ANKFN1: variants seen among roughly 807,000 people sequenced by gnomAD.
The protein encoded by ANKFN1 is ankyrin repeat and fibronectin type III domain containing 1.
In ANKFN1, 74 loss-of-function variants were observed where a neutral mutation model predicts 108.7. That is an observed-to-expected ratio of 0.68 (90% CI 0.56 to 0.83). The LOEUF (loss-of-function observed/expected upper bound fraction) is 0.83, where lower values mean the gene tolerates loss of function less well. Among genes scored for constraint, ANKFN1 ranks in the 40% least tolerant of loss-of-function variants. The pLI, the probability that ANKFN1 is intolerant of heterozygous loss-of-function variation, is 0.00. For synonymous variants in ANKFN1, 547 were observed against 516.2 expected, an observed-to-expected ratio of 1.06 and a Z score of -0.81; for missense variants, 1,505 against 1,382.3, an observed-to-expected ratio of 1.09 and a Z score of -1.41.
chr17:56,160,223 G>T lies in ANKFN1; in HGVS notation c.-71+6693G>T, dbSNP rs80197253. Reference sequence around the variant, plus strand: ...TCCAAGTTTCTGGCAAGCTCTTTAAGAGGATGATTGATGGTAAACTTTCAG... The same window carrying T: ...TCCAAGTTTCTGGCAAGCTCTTTAATAGGATGATTGATGGTAAACTTTCAG... On this transcript the variant is annotated intron_variant, in intron 1 of 20. Coordinates refer to ENST00000682825, the MANE Select transcript of ANKFN1 (RefSeq NM_001370326.1). Among the ~76,000 whole-genome samples the T allele has an allele frequency of 3.3e-3, 510 of 152,284 alleles. 4 individuals carry two copies. The highest frequency in any genetic ancestry group is 0.012 in the African/African-American group (490 of 41,550).
chr17:56,484,169 G>A (rs1374780235), intron 18 of ANKFN1, among the ~76,000 whole-genome samples: 3 of 152,136 alleles, frequency 2.0e-5, no homozygotes, highest in Non-Finnish European at 2.9e-5. Context: ...AGAACAAGTG[G>A]TCCAGTTTGG....
intron 8 of ANKFN1, among the ~76,000 whole-genome samples, chr17:56,431,561 C>T (rs2048758241): frequency 1.3e-5 from 2 of 152,234 alleles, no homozygotes; most frequent in Middle Eastern, 3.4e-3. Flanking sequence ...ATCTGAGCCC[C>T]GATTCTGTAC....
At position 56,297,666 on chromosome 17, in the gene ANKFN1, C is replaced by G. The variant is rs931162311; in HGVS notation, c.54-28555C>G. The stretch of plus-strand genomic sequence containing the variant: ...ACACCTAAAATTATTTAATCAGGAA[C>G]CTTCCTATTGATGGTGTGAGTGTTG... On this transcript the variant is annotated intron_variant, in intron 3 of 20. Coordinates refer to ENST00000682825, the MANE Select transcript of ANKFN1 (RefSeq NM_001370326.1). Among the ~76,000 whole-genome samples the G allele has an allele frequency of 8.5e-5, 13 of 152,264 alleles. No homozygotes were observed. In the South Asian group the frequency reaches 2.1e-3, roughly 24 times the overall value.
intron 3 of ANKFN1, among the ~76,000 whole-genome samples, chr17:56,321,731 A>G (rs545448415): frequency 6.6e-6 from 1 of 152,352 alleles, no homozygotes; most frequent in South Asian, 2.1e-4. Context: ...GTCACAAATC[A>G]GAGGAGAGTA....
chr17:56,457,393 T>C lies in ANKFN1; in HGVS notation c.1440+4T>C, dbSNP rs778859841. 7.6e-6 allele frequency: 12 copies of C among 1,577,834 alleles called. No individual in the cohort carries two copies. In the South Asian group the frequency reaches 9.6e-5, roughly 13 times the overall value. On this transcript the variant is annotated splice_donor_region_variant and intron_variant, in intron 13 of 20. Coordinates refer to ENST00000682825, the MANE Select transcript of ANKFN1 (RefSeq NM_001370326.1). ...AGATTTTCTGTGGTTCACGAAGGTATACTAAGTTCTGATTTCATTTTTCCC... is the reference window on the plus strand; with the variant it reads ...AGATTTTCTGTGGTTCACGAAGGTACACTAAGTTCTGATTTCATTTTTCCC...
At chr17:56,203,248 A>G (rs1914211282) in intron 1 of ANKFN1, among the ~76,000 whole-genome samples, 1 of 152,152 alleles carries the variant, frequency 6.6e-6, no homozygotes, top group Admixed American at 6.5e-5. Flanking sequence ...TCTCCACGGG[A>G]CATACATACA....
At chr17:56,180,462 T>A (rs937607986) in intron 1 of ANKFN1, among the ~76,000 whole-genome samples, 1 of 152,188 alleles carries the variant, frequency 6.6e-6, no homozygotes, top group African/African-American at 2.4e-5. Flanking sequence ...GGCATCCACA[T>A]AACATTCAAC....
chr17:56,206,396 T>C (rs996800752), intron 1 of ANKFN1: 1 of 152,132 alleles, frequency 6.6e-6, no homozygotes, highest in Non-Finnish European at 1.5e-5. Flanking sequence ...GTATACAGTT[T>C]AGTTGAGCAG....
intron 8 of ANKFN1, among the ~76,000 whole-genome samples, chr17:56,399,087 A>C (rs2047673870): frequency 1.3e-5 from 2 of 152,146 alleles, no homozygotes; most frequent in Non-Finnish European, 1.5e-5. Context: ...TTCAATAAGA[A>C]GGCTACTGGG....
intron 1 of ANKFN1, among the ~76,000 whole-genome samples, chr17:56,157,126 T>C (rs1458837118): frequency 6.6e-6 from 1 of 152,108 alleles, no homozygotes; most frequent in East Asian, 1.9e-4. Flanking sequence ...CAGTGAGAGA[T>C]CTCAGGCCAC....
chr17:56,416,676 A>G (rs1042863185), intron 8 of ANKFN1, among the ~76,000 whole-genome samples: 1 of 152,234 alleles, frequency 6.6e-6, no homozygotes, highest in Non-Finnish European at 1.5e-5. Flanking sequence ...AAATAGAGCT[A>G]CCATACAGCC....
In ANKFN1 at chr17:56,440,308, G is replaced by GC; in HGVS notation, c.911-13dup. On this transcript the variant is annotated intron_variant, in intron 8 of 20. Transcript: ENST00000682825. ...ATTCTCCCTCTTTCTCTCTCTCCCT[G>GC]CCCCCCTACTCCCTCCAGTGGAATG... The GC allele has an allele frequency of 3.3e-6, 5 of 1,516,944 alleles. No homozygotes were observed. The highest frequency in any genetic ancestry group is 1.7e-4 in the Middle Eastern group (1 of 5,846). 94.0% of individuals were successfully genotyped at this position (1,516,944 alleles called of 1,614,324 possible).
intron 1 of ANKFN1, among the ~76,000 whole-genome samples, chr17:56,164,495 C>A (rs1479520833): frequency 1.3e-5 from 2 of 152,050 alleles, no homozygotes; most frequent in East Asian, 3.9e-4. Context: ...CAGCCCGTAG[C>A]ACAGTAGCTG....
intron 1 of ANKFN1, among the ~76,000 whole-genome samples, chr17:56,161,742 A>G (rs1909671897): frequency 6.6e-6 from 1 of 152,154 alleles, no homozygotes; most frequent in South Asian, 2.1e-4. Flanking sequence ...ATTAAAAAAA[A>G]TTAACTTTTC....
intron 3 of ANKFN1, among the ~76,000 whole-genome samples, chr17:56,283,453 A>G (rs1255167712): frequency 6.6e-6 from 1 of 151,902 alleles, no homozygotes; most frequent in Non-Finnish European, 1.5e-5. Context: ...ATCGCTATAA[A>G]CAATTTGCAA....
chr17:56,166,723 C>T (rs988785489), intron 1 of ANKFN1, among the ~76,000 whole-genome samples: 1 of 152,170 alleles, frequency 6.6e-6, no homozygotes, highest in African/African-American at 2.4e-5. Flanking sequence ...TCCCTTGAAG[C>T]TGGACATGAC....
At chr17:56,212,710 A>G (rs1915108355) in intron 2 of ANKFN1, among the ~76,000 whole-genome samples, 31 bp downstream of exon 2, 1 of 152,164 alleles carries the variant, frequency 6.6e-6, no homozygotes, top group Non-Finnish European at 1.5e-5. Flanking sequence ...CCTTGAGCCT[A>G]TGCAACTCCA....
chr17:56,341,504 G>A (rs1183890808), intron 4 of ANKFN1, among the ~76,000 whole-genome samples: 1 of 151,866 alleles, frequency 6.6e-6, no homozygotes, highest in Non-Finnish European at 1.5e-5. Flanking sequence ...ATTGAGAGTT[G>A]TTAACATGAA....
chr17:56,361,975 A>G (rs1221016477), intron 6 of ANKFN1, among the ~76,000 whole-genome samples: 1 of 152,166 alleles, frequency 6.6e-6, no homozygotes, highest in Non-Finnish European at 1.5e-5. Flanking sequence ...TTTCTGCAGA[A>G]TTCTGCTGAT....
Sources: allele counts gnomAD v4.1 joint callset (sites outside exome capture counted in the v4.1 genomes callset), GRCh38; gene constraint gnomAD v4.1.1; transcripts MANE v1.5; gene names NCBI Gene and HGNC (gene_info 2026-07-23, HGNC 2026-07-21).